Variants in ABLIM1 observed in about 807,000 individuals in gnomAD.
ABLIM1 encodes actin-binding LIM protein 1.
Under a neutral mutation model 107.0 loss-of-function variants are expected in ABLIM1, and 40 were observed. The ratio of observed to expected loss-of-function variants is 0.37; its 90% confidence interval spans 0.29 to 0.49. ABLIM1 has a LOEUF of 0.49. Among genes scored for constraint, ABLIM1 ranks in the 20% least tolerant of loss-of-function variants. The pLI is 0.97. For missense variants in ABLIM1, 857 were observed against 1,008.5 expected (o/e 0.85, Z 2.04); for synonymous variants, 357 against 357.3 (o/e 1.00, Z 0.01).
intron 6 of ABLIM1, among the ~76,000 whole-genome samples, chr10:114,530,874 AAAGAGTATGTGAAGTCTTT>A (rs1234193614): frequency 7.9e-5 from 12 of 152,256 alleles, no homozygotes; most frequent in African/African-American, 2.9e-4. Flanking sequence ...GTTTAGGCCT[AAAGAGTATGTGAAGTCTTT>A]AACATTTTTG....
At chr10:114,565,825 C>T (rs1377732425) in intron 4 of ABLIM1, among the ~76,000 whole-genome samples, 1 of 114,378 alleles carries the variant, frequency 8.7e-6, no homozygotes, top group Admixed American at 1.1e-4. Context: ...GACAGAGTCT[C>T]GATCTGTCGC....
chr10:114,561,244 A>G (rs2069657157), intron 4 of ABLIM1, among the ~76,000 whole-genome samples: 1 of 152,188 alleles, frequency 6.6e-6, no homozygotes, highest in Non-Finnish European at 1.5e-5. Context: ...ATTCATACTC[A>G]TTAGCAAACC....
At chr10:114,495,446 T>C (rs576637886) in intron 6 of ABLIM1, among the ~76,000 whole-genome samples, 7 of 150,336 alleles carry the variant, frequency 4.7e-5, no homozygotes, top group African/African-American at 1.7e-4. Context: ...GGGGTGGTAA[T>C]GATGATGATG....
At chr10:114,589,475 G>A (rs1213800307) in intron 2 of ABLIM1, among the ~76,000 whole-genome samples, 1 of 151,470 alleles carries the variant, frequency 6.6e-6, no homozygotes, top group African/African-American at 2.4e-5. Flanking sequence ...ATTGCAGTGA[G>A]CCAAGATCAC....
Position 114,431,671 on chromosome 10 carries a change from G to C in ABLIM1, c.*4589C>G, listed in dbSNP as rs375301115. The C allele has an allele frequency of 9.9e-5, 15 of 152,176 alleles. No individual in the cohort carries two copies. The highest frequency in any genetic ancestry group is 9.8e-4 in the Admixed American group (15 of 15,276). 9.4% of individuals were successfully genotyped at this position (152,176 alleles called of 1,614,324 possible). ...ACAGGATTGTCTCTGTCCACCTTTG[G>C]TCAATGGGTTCAGGAAGTGACTCAT... On this transcript the variant is annotated 3_prime_UTR_variant, in exon 23 of 23. Coordinates refer to ENST00000533213, the MANE Select transcript of ABLIM1 (RefSeq NM_002313.7).
chr10:114,726,685 G>A (rs976903875), intron 1 of ABLIM1, among the ~76,000 whole-genome samples: 4 of 152,162 alleles, frequency 2.6e-5, no homozygotes, highest in African/African-American at 9.7e-5. Flanking sequence ...GGGAGGCTGA[G>A]GCAGGAGAAT....
In ABLIM1 at chr10:114,718,131, AAAG is replaced by A. The variant is rs202035486; in HGVS notation, c.-213+49927_-213+49929del. Among the ~76,000 whole-genome samples the A allele has an allele frequency of 1.1e-3, 130 of 123,274 alleles. 2 individuals are homozygous for A. In the East Asian group the frequency reaches 0.015, roughly 14 times the overall value. 80.9% of individuals were successfully genotyped at this position (123,274 alleles called of 152,430 possible). A position where few individuals can be genotyped will look rare whatever the true frequency, so the allele number is the denominator to read the frequency against. On this transcript the variant is annotated intron_variant, in intron 1 of 15. Transcript: ENST00000651092. ...AAAAAGAAAGAAAGAAAAAGAAAGA[AAAG>A]AAAGAAAGAAAGAGAAAAAAAGAAA...
At chr10:114,438,356 C>A (rs1241113599) in intron 21 of ABLIM1, among the ~76,000 whole-genome samples, 2 of 152,140 alleles carry the variant, frequency 1.3e-5, no homozygotes, top group Non-Finnish European at 2.9e-5. Context: ...ACCTATCAGG[C>A]CCAGGTGACC....
At chr10:114,767,822 G>T (rs977423821) in intron 1 of ABLIM1, among the ~76,000 whole-genome samples, 3 of 152,284 alleles carry the variant, frequency 2.0e-5, no homozygotes, top group East Asian at 3.9e-4. Context: ...GACGCGCGGC[G>T]GGCACAGGTG....
At chr10:114,674,110 C>T (rs1048478586) in intron 1 of ABLIM1, among the ~76,000 whole-genome samples, 1 of 151,654 alleles carries the variant, frequency 6.6e-6, no homozygotes, top group Non-Finnish European at 1.5e-5. Context: ...GCCAACATGG[C>T]GAAACCCCAT....
At chr10:114,563,923 T>C (rs1051974425) in intron 4 of ABLIM1, among the ~76,000 whole-genome samples, 20 of 144,750 alleles carry the variant, frequency 1.4e-4, no homozygotes, top group African/African-American at 4.9e-4. Flanking sequence ...AGATGTTTGT[T>C]GAACGAGTGA....
At chr10:114,542,280 A>G (rs2066760863) in intron 6 of ABLIM1, among the ~76,000 whole-genome samples, 1 of 151,770 alleles carries the variant, frequency 6.6e-6, no homozygotes, top group Non-Finnish European at 1.5e-5. Context: ...GTGTGATGGC[A>G]TGCACCTGTA....
chr10:114,622,969 C>T (rs4752044), intron 1 of ABLIM1, among the ~76,000 whole-genome samples: 13,219 of 151,772 alleles, frequency 0.087, 727 homozygotes, highest in South Asian at 0.13. Flanking sequence ...CCCTTTTTTT[C>T]GTTTGTTTTC....
chr10:114,738,861 C>A (rs943933458), intron 1 of ABLIM1, among the ~76,000 whole-genome samples: 4 of 151,846 alleles, frequency 2.6e-5, no homozygotes, highest in Non-Finnish European at 4.4e-5. Flanking sequence ...GGTCAGGATG[C>A]ACAAGGACAT....
chr10:114,655,683 T>C (rs1178685632), intron 1 of ABLIM1, among the ~76,000 whole-genome samples: 2 of 152,220 alleles, frequency 1.3e-5, no homozygotes, highest in Non-Finnish European at 2.9e-5. Flanking sequence ...ACAATAGGCA[T>C]ACTCAGCTGG....
chr10:114,606,378 G>A (rs564260356), intron 1 of ABLIM1, among the ~76,000 whole-genome samples: 75 of 152,122 alleles, frequency 4.9e-4, no homozygotes, highest in Non-Finnish European at 5.0e-4. Context: ...TGGGACTATA[G>A]GCGCACACCT....
chr10:114,668,476 G>C (rs1356708320), intron 1 of ABLIM1, among the ~76,000 whole-genome samples: 3 of 152,098 alleles, frequency 2.0e-5, no homozygotes, highest in African/African-American at 7.2e-5. Flanking sequence ...ACTTGATAAG[G>C]GGGAAATCAA....
chr10:114,594,034 G>T (rs1200845632), intron 2 of ABLIM1, among the ~76,000 whole-genome samples: 2 of 152,094 alleles, frequency 1.3e-5, no homozygotes, highest in Admixed American at 1.3e-4. Flanking sequence ...TCTCATTTTG[G>T]TTAACCTGCC....
chr10:114,577,431 A>C (rs1478753515), intron 2 of ABLIM1, among the ~76,000 whole-genome samples: 2 of 152,216 alleles, frequency 1.3e-5, no homozygotes, highest in African/African-American at 4.8e-5. Context: ...GCTATGGCTT[A>C]AAAATGCAGA....
Sources: gnomAD v4.1 joint callset for allele counts (sites outside exome capture counted in the v4.1 genomes callset) on GRCh38, gnomAD v4.1.1 for gene constraint, MANE v1.5 for transcripts, NCBI Gene and HGNC (gene_info 2026-07-23, HGNC 2026-07-21) for gene names.